CAMK1D: variants seen among roughly 807,000 people sequenced by gnomAD.
The protein encoded by CAMK1D is calcium/calmodulin-dependent protein kinase type 1D.
CAMK1D carries 9 observed loss-of-function variants against 47.7 expected under a neutral mutation model. The observed-to-expected ratio is 0.19, with a 90% CI of 0.11 to 0.33. The LOEUF is 0.33. Ranked by LOEUF, CAMK1D falls within the 10% of genes least tolerant of loss-of-function variation. CAMK1D has a pLI of 1.00. For synonymous variants in CAMK1D, 184 were observed against 184.9 expected, an observed-to-expected ratio of 0.99 and a Z score of 0.04; for missense variants, 291 against 488.7, an observed-to-expected ratio of 0.60 and a Z score of 3.81.
chr10:12,719,990 G>C (rs1292896581), intron 3 of CAMK1D, among the ~76,000 whole-genome samples: 5 of 152,214 alleles, frequency 3.3e-5, no homozygotes, highest in Admixed American at 3.3e-4. Context: ...CTGAGATGCT[G>C]ATTCAGTGGG....
At chr10:12,356,025 C>G (rs1425114665) in intron 1 of CAMK1D, among the ~76,000 whole-genome samples, 1 of 152,004 alleles carries the variant, frequency 6.6e-6, no homozygotes, top group Non-Finnish European at 1.5e-5. Context: ...CGGTCAAAGG[C>G]GGCCACAAGG....
chr10:12,756,052 C>A (rs1453531086), intron 3 of CAMK1D, among the ~76,000 whole-genome samples: 1 of 152,168 alleles, frequency 6.6e-6, no homozygotes, highest in Non-Finnish European at 1.5e-5. Context: ...TGTGCCACTA[C>A]TTTTTATTAC....
At chr10:12,388,101 C>T (rs1019573402) in intron 1 of CAMK1D, among the ~76,000 whole-genome samples, 4 of 152,116 alleles carry the variant, frequency 2.6e-5, no homozygotes, top group Admixed American at 6.5e-5. Flanking sequence ...CTTCTGGGAT[C>T]GTCTCCAGAA....
intron 6 of CAMK1D, among the ~76,000 whole-genome samples, chr10:12,796,766 C>G (rs2131016537): frequency 6.6e-6 from 1 of 152,244 alleles, no homozygotes; most frequent in South Asian, 2.1e-4. Context: ...GGGCACGGTG[C>G]CTCATTCAGG....
intron 1 of CAMK1D, among the ~76,000 whole-genome samples, chr10:12,363,350 G>A (rs947841063): frequency 2.6e-5 from 4 of 151,922 alleles, no homozygotes; most frequent in Admixed American, 2.0e-4. Context: ...CTCCTCCCAG[G>A]TTCCAGCAAT....
At chr10:12,637,953 C>T (rs1839556692) in intron 2 of CAMK1D, among the ~76,000 whole-genome samples, 1 of 152,198 alleles carries the variant, frequency 6.6e-6, no homozygotes, top group African/African-American at 2.4e-5. Context: ...TAGCCTCATC[C>T]TATCCACAGC....
chr10:12,359,695 C>T lies in CAMK1D; in HGVS notation c.92+9785C>T, dbSNP rs140628106. Among the ~76,000 whole-genome samples, 9 of 152,218 alleles carry T rather than the reference C, an allele frequency of 5.9e-5. No homozygotes were observed. In the East Asian group the frequency reaches 1.7e-3, roughly 29 times the overall value. On this transcript the variant is annotated intron_variant, in intron 1 of 10. Coordinates refer to ENST00000619168, the MANE Select transcript of CAMK1D (RefSeq NM_153498.4). Reference sequence around the variant, plus strand: ...CTTTTCTTTTTGGAAAATTCCTTGTCTTTCTGCTTTGTTTCTTATTGAAAC... The same window carrying T: ...CTTTTCTTTTTGGAAAATTCCTTGTTTTTCTGCTTTGTTTCTTATTGAAAC...
chr10:12,551,387 T>C (rs901789032), intron 1 of CAMK1D, among the ~76,000 whole-genome samples: 1 of 152,182 alleles, frequency 6.6e-6, no homozygotes, highest in Admixed American at 6.5e-5. Flanking sequence ...GAAAACAAGC[T>C]CAGGGCTTCC....
intron 3 of CAMK1D, among the ~76,000 whole-genome samples, chr10:12,685,070 G>C (rs1832598807): frequency 6.6e-6 from 1 of 152,248 alleles, no homozygotes; most frequent in African/African-American, 2.4e-5. Context: ...GGAGGCCGAG[G>C]TGGGTGAATC....
chr10:12,506,916 G>A (rs1234010148), intron 1 of CAMK1D, among the ~76,000 whole-genome samples: 1 of 152,178 alleles, frequency 6.6e-6, no homozygotes, highest in Non-Finnish European at 1.5e-5. Flanking sequence ...CTAGCGTGAT[G>A]CTCCATGAAT....
chr10:12,380,778 C>A lies in CAMK1D; in HGVS notation c.92+30868C>A, dbSNP rs376119431. The stretch of plus-strand genomic sequence containing the variant: ...GGCTGAGGCAGGAGAATCGCTTGAA[C>A]CCATGAGGCGGAGATTGCAGTGAGC... On this transcript the variant is annotated intron_variant, in intron 1 of 10. Coordinates refer to ENST00000619168, the MANE Select transcript of CAMK1D (RefSeq NM_153498.4). 8.7e-4 allele frequency among the ~76,000 whole-genome samples: 133 copies of A among 152,306 alleles called. 5 individuals carry two copies. The South Asian group carries it at 0.026, about 30-fold the overall frequency.
intron 6 of CAMK1D, among the ~76,000 whole-genome samples, chr10:12,802,810 G>A (rs1838546452): frequency 6.6e-6 from 1 of 152,128 alleles, no homozygotes; most frequent in Admixed American, 6.5e-5. Context: ...GTGAGTCCCC[G>A]CCCCCGGCCT....
chr10:12,676,655 C>T (rs958322866), intron 3 of CAMK1D, among the ~76,000 whole-genome samples: 23 of 152,156 alleles, frequency 1.5e-4, no homozygotes, highest in Admixed American at 7.9e-4. Flanking sequence ...GGATCATTTA[C>T]CCAAATCAGT....
chr10:12,711,574 T>C (rs192981678), intron 3 of CAMK1D, among the ~76,000 whole-genome samples: 5 of 152,232 alleles, frequency 3.3e-5, no homozygotes, highest in African/African-American at 4.8e-5. Flanking sequence ...TGCTGCTTCT[T>C]GGTACTGCTT....
chr10:12,829,157 T>G lies in CAMK1D; in HGVS notation c.*270T>G. 2.7e-6 allele frequency: 1 copy of G among 365,908 alleles called. No individual in the cohort carries two copies. The highest frequency in any genetic ancestry group is 4.9e-6 in the Non-Finnish European group (1 of 203,744). The allele number at this position is 365,908 out of a possible 1,614,324, so 22.7% of individuals were successfully genotyped here. ...CAAAGCTCTAACTGAACGGACCTTC[T>G]TATTCCTCTCCCCTAACACCATCGT... On this transcript the variant is annotated 3_prime_UTR_variant, in exon 11 of 11. Transcript: ENST00000619168.
intron 1 of CAMK1D, among the ~76,000 whole-genome samples, chr10:12,430,099 C>T (rs759358049): frequency 9.9e-5 from 15 of 152,114 alleles, no homozygotes; most frequent in Non-Finnish European, 1.9e-4. Context: ...AAAACACTTA[C>T]ATCCCCCACT....
At chr10:12,649,487 T>A (rs564155219) in intron 2 of CAMK1D, among the ~76,000 whole-genome samples, 1 of 152,316 alleles carries the variant, frequency 6.6e-6, no homozygotes, top group East Asian at 1.9e-4. Context: ...AAGGTGTTTG[T>A]TGTTAAAGAG....
chr10:12,770,165 GCA>G (rs1316367316), intron 5 of CAMK1D, among the ~76,000 whole-genome samples: 1 of 152,210 alleles, frequency 6.6e-6, no homozygotes, highest in African/African-American at 2.4e-5. Context: ...ACAGTAAGGT[GCA>G]CACACAAGAA....
In CAMK1D at chr10:12,518,458, T is replaced by C. The variant is rs1158874668; in HGVS notation, c.93-34767T>C. ...AATGTCTATAGGGTCTGTAGTGATA[T>C]GTCTTTATTCATTCTTTTTTTATTT... On this transcript the variant is annotated intron_variant, in intron 1 of 10. Transcript: ENST00000619168. Among the ~76,000 whole-genome samples the C allele has an allele frequency of 2.0e-5, 3 of 151,976 alleles. 1 individual carries two copies. Among genetic ancestry groups the C allele is most frequent in the African/African-American group, 4.8e-5 (2 of 41,332 alleles).
Sources: allele counts gnomAD v4.1 joint callset (sites outside exome capture counted in the v4.1 genomes callset), GRCh38; gene constraint gnomAD v4.1.1; transcripts MANE v1.5; gene names NCBI Gene and HGNC (gene_info 2026-07-23, HGNC 2026-07-21).